RANBP2: variants seen among roughly 807,000 people sequenced by gnomAD.
The protein encoded by RANBP2 is RAN binding protein 2, also known as E3 SUMO-protein ligase RanBP2.
Under a neutral mutation model 303.6 loss-of-function variants are expected in RANBP2, and 57 were observed. The observed-to-expected ratio is 0.19, with a 90% CI of 0.15 to 0.23. RANBP2 has a LOEUF of 0.23. Among genes scored for constraint, RANBP2 ranks in the 10% least tolerant of loss-of-function variants. The pLI is 1.00. For synonymous variants in RANBP2, 1,167 were observed against 1,301.5 expected (o/e 0.90, Z 2.23); for missense variants, 3,138 against 3,780.8 (o/e 0.83, Z 4.46).
the RANBP2 span, among the ~76,000 whole-genome samples, chr2:109,676,666 T>C: frequency 6.6e-6 from 1 of 152,114 alleles, no homozygotes; most frequent in African/African-American, 2.4e-5. Context: ...CTCCCTGAAA[T>C]AAGGAGGCAA....
chr2:109,634,870 G>C, the RANBP2 span, among the ~76,000 whole-genome samples: 8 of 152,114 alleles, frequency 5.3e-5, no homozygotes, highest in African/African-American at 1.9e-4. Context: ...AGAAATAAAA[G>C]GACGAGTAAA....
chr2:109,468,377 C>T, the RANBP2 span, among the ~76,000 whole-genome samples: 9 of 152,192 alleles, frequency 5.9e-5, no homozygotes, highest in Non-Finnish European at 1.2e-4. Context: ...CATCAGTAGG[C>T]AACATGAATT....
the RANBP2 span, among the ~76,000 whole-genome samples, chr2:108,931,230 G>A: frequency 5.9e-5 from 9 of 152,342 alleles, no homozygotes; most frequent in South Asian, 6.2e-4. Context: ...TCCCAGCCTC[G>A]CAGCCATGCC....
chr2:109,177,319 A>G, the RANBP2 span, among the ~76,000 whole-genome samples: 2 of 152,144 alleles, frequency 1.3e-5, no homozygotes, highest in African/African-American at 2.4e-5. Flanking sequence ...TTTCTTTTAT[A>G]TCTACTAAGA....
At chr2:109,157,193 A>G in the RANBP2 span, among the ~76,000 whole-genome samples, 1 of 152,120 alleles carries the variant, frequency 6.6e-6, no homozygotes, top group East Asian at 1.9e-4. Flanking sequence ...CATAGTATTG[A>G]CTGGGGATAT....
In RANBP2 at chr2:108,758,393, A is replaced by G; in HGVS notation, c.2467-20A>G. 9.3e-6 allele frequency: 15 copies of G among 1,609,560 alleles called. No homozygotes were observed. Among genetic ancestry groups the G allele is most frequent in the Non-Finnish European group, 1.3e-5 (15 of 1,178,726 alleles). ...ATAATTAAATGTTTAAAATTATTTG[A>G]TTTTTTTTTCTTCCAATAGAAAGAA... On this transcript the variant is annotated intron_variant, in intron 17 of 28. Coordinates refer to ENST00000283195, the MANE Select transcript of RANBP2 (RefSeq NM_006267.5).
chr2:109,276,843 TA>T, the RANBP2 span, among the ~76,000 whole-genome samples: 1 of 151,982 alleles, frequency 6.6e-6, no homozygotes. Flanking sequence ...ACAAACAATA[TA>T]GTTAAGCAAG....
chr2:109,299,611 T>G, the RANBP2 span, among the ~76,000 whole-genome samples: 2 of 152,298 alleles, frequency 1.3e-5, no homozygotes, highest in East Asian at 1.9e-4. Context: ...TTTCCTTGCA[T>G]GAGCTCACAG....
At chr2:109,640,214 G>A in the RANBP2 span, among the ~76,000 whole-genome samples, 5 of 151,774 alleles carry the variant, frequency 3.3e-5, no homozygotes, top group Non-Finnish European at 7.4e-5. Flanking sequence ...GCACTGTGGA[G>A]GCCAAGGCGG....
chr2:108,862,489 G>T, the RANBP2 span, among the ~76,000 whole-genome samples: 1 of 152,046 alleles, frequency 6.6e-6, no homozygotes, highest in African/African-American at 2.4e-5. Context: ...GTATAATGTG[G>T]TGATTACAGT....
chr2:109,420,360 A>G, the RANBP2 span, among the ~76,000 whole-genome samples: 1 of 150,772 alleles, frequency 6.6e-6, no homozygotes, highest in African/African-American at 2.5e-5. Flanking sequence ...AGTTCTGTGA[A>G]TGCAGGGTGG....
At chr2:108,915,691 G>A in the RANBP2 span, among the ~76,000 whole-genome samples, 90 of 152,244 alleles carry the variant, frequency 5.9e-4, no homozygotes, top group African/African-American at 2.1e-3. Context: ...CCTAAGAGGA[G>A]TTTGAGACCA....
At chr2:109,351,212 G>T in the RANBP2 span, among the ~76,000 whole-genome samples, 1 of 152,330 alleles carries the variant, frequency 6.6e-6, no homozygotes, top group East Asian at 1.9e-4. Flanking sequence ...GGTTTCTGAG[G>T]AGCCTCCACA....
chr2:109,742,419 C>T, the RANBP2 span, among the ~76,000 whole-genome samples: 2 of 132,192 alleles, frequency 1.5e-5, 1 homozygote, highest in Non-Finnish European at 3.2e-5. Context: ...GAAACTCCTT[C>T]TCAAAAAAAC....
At chr2:108,781,499 C>T (rs1296029375) in intron 26 of RANBP2, 70 bp downstream of exon 26, 7 of 1,421,278 alleles carry the variant, frequency 4.9e-6, no homozygotes, top group Non-Finnish European at 5.9e-6. Flanking sequence ...CTGGCTTGAT[C>T]TGTCAGGGTA....
At chr2:109,525,994 T>C in the RANBP2 span, among the ~76,000 whole-genome samples, 3 of 151,472 alleles carry the variant, frequency 2.0e-5, no homozygotes, top group Admixed American at 2.0e-4. Context: ...AGTGGGGAGG[T>C]GGTGTCACCC....
At chr2:109,634,112 T>G in the RANBP2 span, among the ~76,000 whole-genome samples, 1 of 81,098 alleles carries the variant, frequency 1.2e-5, no homozygotes, top group Non-Finnish European at 2.1e-5. Context: ...AGAGTGAGAC[T>G]CTGTCTCAAA....
chr2:109,303,682 T>G, the RANBP2 span, among the ~76,000 whole-genome samples: 1 of 152,204 alleles, frequency 6.6e-6, no homozygotes, highest in Non-Finnish European at 1.5e-5. Flanking sequence ...GGGTTTTGTT[T>G]TGCTTGGTAT....
At chr2:109,684,603 G>A in the RANBP2 span, among the ~76,000 whole-genome samples, 1 of 142,406 alleles carries the variant, frequency 7.0e-6, no homozygotes, top group Non-Finnish European at 1.5e-5. Context: ...GCATGATCTT[G>A]GCTCACTGCA....
Sources: allele counts gnomAD v4.1 joint callset (sites outside exome capture counted in the v4.1 genomes callset), GRCh38; gene constraint gnomAD v4.1.1; transcripts MANE v1.5; gene names NCBI Gene and HGNC (gene_info 2026-07-23, HGNC 2026-07-21).